Variants in DLGAP1 observed in about 807,000 individuals in gnomAD.
DLGAP1 encodes DLG associated protein 1.
DLGAP1 carries 11 observed loss-of-function variants against 90.8 expected under a neutral mutation model. The ratio of observed to expected loss-of-function variants is 0.12; its 90% CI spans 0.08 to 0.20. The LOEUF is 0.20. Among genes scored for constraint, DLGAP1 ranks in the 10% least tolerant of loss-of-function variants. The probability of loss-of-function intolerance (pLI) is 1.00; values close to 1 mark genes in which losing one functional copy is unlikely to be tolerated. For synonymous variants in DLGAP1, 558 were observed against 540.7 expected (o/e 1.03, Z -0.44); for missense variants, 1,050 against 1,333.8 (o/e 0.79, Z 3.31).
At chr18:3,636,287 T>C (rs915980900) in intron 7 of DLGAP1, among the ~76,000 whole-genome samples, 2 of 151,604 alleles carry the variant, frequency 1.3e-5, no homozygotes, top group African/African-American at 4.9e-5. Flanking sequence ...ACACCTTTCA[T>C]TAACTAATTA....
chr18:3,563,155 A>G lies in DLGAP1; in HGVS notation c.2057+4335T>C, dbSNP rs189787696. 3.0e-4 allele frequency among the ~76,000 whole-genome samples: 45 copies of G among 152,222 alleles called. 1 individual carries two copies. In the East Asian group the frequency reaches 6.4e-3, roughly 22 times the overall value. ...TTCTTATCTTTGCTCCTCTATAGGT[A>G]AGATGTTCTTTCCCTCTCACTTTTT... On this transcript the variant is annotated intron_variant, in intron 9 of 12. Transcript: ENST00000315677.
intron 7 of DLGAP1, chr18:3,722,237 T>A (rs1433759454): frequency 6.6e-6 from 1 of 152,158 alleles, no homozygotes; most frequent in African/African-American, 2.4e-5. Flanking sequence ...GGCACTCCGT[T>A]CCCAAGAGGT....
intron 3 of DLGAP1, chr18:3,984,358 C>A (rs1275216902): frequency 6.6e-6 from 1 of 152,274 alleles, no homozygotes; most frequent in Non-Finnish European, 1.5e-5. Flanking sequence ...GGTCATATCA[C>A]CTCAATTACC....
intron 5 of DLGAP1, among the ~76,000 whole-genome samples, chr18:3,752,178 C>T (rs1239189936): frequency 1.3e-5 from 2 of 152,132 alleles, no homozygotes; most frequent in East Asian, 3.9e-4. Context: ...GCCACCACGG[C>T]CGGCTCATAA....
intron 1 of DLGAP1, among the ~76,000 whole-genome samples, chr18:4,345,309 G>A (rs1226254431): frequency 6.6e-6 from 1 of 152,010 alleles, no homozygotes; most frequent in Non-Finnish European, 1.5e-5. Context: ...CTCCAATTCT[G>A]TTTTGATAAT....
chr18:4,382,598 T>C (rs916410622), intron 1 of DLGAP1, among the ~76,000 whole-genome samples: 15 of 152,004 alleles, frequency 9.9e-5, no homozygotes, highest in African/African-American at 3.6e-4. Flanking sequence ...AATCAGTTAC[T>C]TTGCAATTAA....
At chr18:3,514,874 G>A (rs1372831150) in intron 10 of DLGAP1, among the ~76,000 whole-genome samples, 1 of 152,150 alleles carries the variant, frequency 6.6e-6, no homozygotes, top group Non-Finnish European at 1.5e-5. Context: ...AGGGGTGGCT[G>A]TGGCAATGTC....
In DLGAP1 at chr18:3,880,040, T is replaced by C. The variant is rs764125182; in HGVS notation, c.29A>G (p.His10Arg). The change falls in exon 4 of 13, where the codon CAT becomes CGT. Residue 10 changes from histidine (H) to arginine (R), a missense_variant. His to Arg is a conservative substitution (Grantham distance 29, BLOSUM62 0). Around this residue, in one of 2 missense-constraint regions of DLGAP1, gnomAD observed 485 missense variants for 454.1 expected, o/e 1.07. Transcript: ENST00000315677. MKGLSGSRSHHHGVTCDSAC... is the reference protein window; with the variant it reads MKGLSGSRSRHHGVTCDSAC... ...CGAGTCGCAGGTGACCCCGTGGTGA[T>C]GGCTGCGGCTGCCTGATAGCCCTTT... is the stretch of plus-strand genomic sequence containing the variant. 4 of 1,604,272 alleles carry C rather than the reference T, an allele frequency of 2.5e-6. No homozygotes were observed. The highest frequency in any genetic ancestry group is 1.1e-5 in the South Asian group (1 of 91,004).
chr18:3,964,597 C>T lies in DLGAP1; in HGVS notation c.-73+40519G>A, dbSNP rs116536248. Among the ~76,000 whole-genome samples, 998 of 152,052 alleles carry T rather than the reference C, an allele frequency of 6.6e-3. 3 individuals carry two copies. Among genetic ancestry groups the T allele is most frequent in the Middle Eastern group, 0.017 (5 of 294 alleles). On this transcript the variant is annotated intron_variant, in intron 3 of 12. Coordinates refer to ENST00000315677, the MANE Select transcript of DLGAP1 (RefSeq NM_004746.4). ...CAGTGGATGAAATCCCCAGGAGCACCGCTACTGAAGAGTGGGCTGATGAGG... is the reference window on the plus strand; with the variant it reads ...CAGTGGATGAAATCCCCAGGAGCACTGCTACTGAAGAGTGGGCTGATGAGG...
At position 3,966,963 on chromosome 18, in the gene DLGAP1, G is replaced by C. The variant is rs944225294; in HGVS notation, c.-73+38153C>G. On this transcript the variant is annotated intron_variant, in intron 3 of 12. Transcript: ENST00000315677. ...GCATTCAATGTTCTGAGGTCCAAGAGAGGAGGAGGAGGAGGAGAAAGCCAG... is the reference window on the plus strand; with the variant it reads ...GCATTCAATGTTCTGAGGTCCAAGACAGGAGGAGGAGGAGGAGAAAGCCAG... Among the ~76,000 whole-genome samples, 3 of 152,036 alleles carry C rather than the reference G, an allele frequency of 2.0e-5. No homozygotes were observed. In the East Asian group the frequency reaches 5.8e-4, roughly 29 times the overall value.
At chr18:3,882,738 A>G (rs2071208607) in intron 3 of DLGAP1, among the ~76,000 whole-genome samples, 1 of 152,118 alleles carries the variant, frequency 6.6e-6, no homozygotes, top group Non-Finnish European at 1.5e-5. Context: ...CTATTCCATC[A>G]GGGCAGAGTA....
At chr18:3,541,687 A>G (rs570979869) in intron 9 of DLGAP1, among the ~76,000 whole-genome samples, 1 of 152,326 alleles carries the variant, frequency 6.6e-6, no homozygotes, top group South Asian at 2.1e-4. Context: ...AAATCACTAC[A>G]AGCCCTAAAG....
At position 3,920,734 on chromosome 18, in the gene DLGAP1, C is replaced by G. The variant is rs76843190; in HGVS notation, c.-72-40594G>C. Among the ~76,000 whole-genome samples the G allele has an allele frequency of 5.0e-3, 764 of 151,306 alleles. 3 individuals are homozygous for G. Among genetic ancestry groups the G allele is most frequent in the Non-Finnish European group, 8.0e-3 (546 of 67,902 alleles). ...AGCAATGTCTACTAATGTAAAAGGTCTTGTTGACCTGACAGCGATCAATAC... is the reference window on the plus strand; with the variant it reads ...AGCAATGTCTACTAATGTAAAAGGTGTTGTTGACCTGACAGCGATCAATAC... On this transcript the variant is annotated intron_variant, in intron 3 of 12. Coordinates refer to ENST00000315677, the MANE Select transcript of DLGAP1 (RefSeq NM_004746.4).
intron 3 of DLGAP1, among the ~76,000 whole-genome samples, chr18:3,881,680 G>A (rs1201739954): frequency 2.6e-5 from 4 of 151,996 alleles, no homozygotes; most frequent in Non-Finnish European, 4.4e-5. Context: ...TTGGGAGGCC[G>A]AGGCAGGTGG....
intron 3 of DLGAP1, among the ~76,000 whole-genome samples, chr18:3,908,891 G>T (rs548083681): frequency 1.3e-5 from 2 of 152,192 alleles, no homozygotes; most frequent in Non-Finnish European, 1.5e-5. Context: ...ATTTCAGTCT[G>T]TAAAATGCTT....
chr18:3,546,289 C>T lies in DLGAP1; in HGVS notation c.2058-11674G>A, dbSNP rs114734925. On this transcript the variant is annotated intron_variant, in intron 9 of 12. Coordinates refer to ENST00000315677, the MANE Select transcript of DLGAP1 (RefSeq NM_004746.4). ...ATTAGTCGAGCATGGTGGCATGCAC[C>T]TGTAGTCCCAGCTACACCGGAGACT... 3.1e-3 allele frequency among the ~76,000 whole-genome samples: 473 copies of T among 152,042 alleles called. 4 individuals carry two copies. Among genetic ancestry groups the T allele is most frequent in the African/African-American group, 0.01 (428 of 41,466 alleles).
intron 2 of DLGAP1, among the ~76,000 whole-genome samples, chr18:4,048,952 C>A (rs911199278): frequency 6.6e-6 from 1 of 152,128 alleles, no homozygotes; most frequent in African/African-American, 2.4e-5. Context: ...TGAGGCTGGG[C>A]ACAGTGGTGC....
chr18:3,733,509 T>G (rs1298299679), intron 6 of DLGAP1, among the ~76,000 whole-genome samples: 2 of 152,146 alleles, frequency 1.3e-5, no homozygotes, highest in Non-Finnish European at 2.9e-5. Flanking sequence ...TTGCCAGTGT[T>G]TTTTGGATAT....
At chr18:4,159,996 T>G (rs2076818412) in intron 1 of DLGAP1, among the ~76,000 whole-genome samples, 1 of 152,214 alleles carries the variant, frequency 6.6e-6, no homozygotes, top group Non-Finnish European at 1.5e-5. Flanking sequence ...TAAGATGATT[T>G]TGGGATCCTC....
Sources: allele counts gnomAD v4.1 joint callset (sites outside exome capture counted in the v4.1 genomes callset), GRCh38; gene constraint gnomAD v4.1.1; regional missense constraint gnomAD v4.1.1; transcripts MANE v1.5; gene names NCBI Gene and HGNC (gene_info 2026-07-23, HGNC 2026-07-21).